Variants in TMEM272 observed in about 807,000 individuals in gnomAD.
TMEM272 encodes long intergenic non-protein coding RNA 282.
In TMEM272, 8 loss-of-function variants were observed where a neutral mutation model predicts 3.7. The observed-to-expected ratio is 2.17, with a 90% CI of 1.27 to 3.91. The LOEUF (loss-of-function observed/expected upper bound fraction) is 3.91, where lower values mean the gene tolerates loss of function less well. Among genes scored for constraint, TMEM272 ranks in the 30% most tolerant of loss-of-function variants. The pLI is 0.00. For missense variants in TMEM272, 166 were observed against 91.5 expected (o/e 1.81, Z -3.32); for synonymous variants, 63 against 39.8 (o/e 1.58, Z -2.20).
chr13:51,890,840 G>A, the TMEM272 span, among the ~76,000 whole-genome samples: 14 of 152,232 alleles, frequency 9.2e-5, no homozygotes, highest in East Asian at 1.7e-3. Context: ...AACTAAAGTC[G>A]TCTGCTCAGC....
the TMEM272 span, among the ~76,000 whole-genome samples, chr13:51,889,785 G>C: frequency 2.0e-5 from 3 of 152,106 alleles, no homozygotes; most frequent in African/African-American, 7.2e-5. Context: ...GAGATTACAG[G>C]CATGCGCCAC....
chr13:51,882,680 A>G, the TMEM272 span, among the ~76,000 whole-genome samples: 1 of 152,128 alleles, frequency 6.6e-6, no homozygotes, highest in African/African-American at 2.4e-5. Flanking sequence ...TGATGGTTCT[A>G]TCTAGTCTGT....
At chr13:51,818,490 C>T (rs1593589361) in intron 4 of TMEM272, among the ~76,000 whole-genome samples, 2 of 152,096 alleles carry the variant, frequency 1.3e-5, no homozygotes, top group African/African-American at 4.8e-5. Flanking sequence ...GGGGGTTACC[C>T]GTGAGGAGGT....
At chr13:51,856,824 A>C in the TMEM272 span, among the ~76,000 whole-genome samples, 3 of 152,224 alleles carry the variant, frequency 2.0e-5, no homozygotes, top group Admixed American at 2.0e-4. Flanking sequence ...TCTCAACAGA[A>C]ACAACAGAAA....
the TMEM272 span, among the ~76,000 whole-genome samples, chr13:51,860,132 G>A: frequency 6.6e-4 from 101 of 152,214 alleles, no homozygotes; most frequent in Middle Eastern, 3.4e-3. Flanking sequence ...CCAGGAGGAC[G>A]CTCAAACCAT....
At chr13:51,932,359 C>T in the TMEM272 span, 1 of 152,234 alleles carries the variant, frequency 6.6e-6, no homozygotes, top group African/African-American at 2.4e-5. Flanking sequence ...CACCCTAGAA[C>T]AGAGGGGTGC....
chr13:51,858,261 CACTGCATCAAGCA>C, the TMEM272 span, among the ~76,000 whole-genome samples: 30 of 152,260 alleles, frequency 2.0e-4, no homozygotes, highest in African/African-American at 7.2e-4. Flanking sequence ...AGAGAGAGAA[CACTGCATCAAGCA>C]ACTGAAGAAT....
At chr13:51,874,877 G>A in the TMEM272 span, among the ~76,000 whole-genome samples, 1 of 152,168 alleles carries the variant, frequency 6.6e-6, no homozygotes, top group East Asian at 1.9e-4. Flanking sequence ...TTTGAAATGA[G>A]CTCTTAAGTA....
At chr13:51,865,565 G>A in the TMEM272 span, 1 of 1,614,102 alleles carries the variant, frequency 6.2e-7, no homozygotes, top group Non-Finnish European at 8.5e-7. Flanking sequence ...TGAAAAAATA[G>A]AGGACTTCAG....
At chr13:51,885,652 T>TA in the TMEM272 span, among the ~76,000 whole-genome samples, 2 of 152,326 alleles carry the variant, frequency 1.3e-5, no homozygotes, top group Admixed American at 6.5e-5. Context: ...TGCCAATACA[T>TA]TACAGTAGAA....
the TMEM272 span, among the ~76,000 whole-genome samples, chr13:51,907,387 T>TTTCACA: frequency 3.9e-5 from 6 of 152,256 alleles, no homozygotes; most frequent in East Asian, 1.2e-3. Flanking sequence ...TGAGCGTGCT[T>TTTCACA]TTCACACACA....
At chr13:51,844,891 T>C (rs966536008) in intron 1 of TMEM272, 125 bp downstream of exon 1, 6 of 152,224 alleles carry the variant, frequency 3.9e-5, no homozygotes, top group Non-Finnish European at 7.3e-5. Flanking sequence ...ACTTCCACAA[T>C]GTAGTCATTT....
chr13:51,910,605 GC>G, the TMEM272 span: 1 of 610,844 alleles, frequency 1.6e-6, no homozygotes, highest in Non-Finnish European at 3.1e-6. Context: ...CTGAGGGGTA[GC>G]CCTAGGCTCC....
At chr13:51,844,855 G>T (rs181804373) in intron 1 of TMEM272, among the ~76,000 whole-genome samples, 161 bp downstream of exon 1, 30 of 152,196 alleles carry the variant, frequency 2.0e-4, no homozygotes, top group African/African-American at 7.0e-4. Flanking sequence ...GATTGTTTTC[G>T]TTCCCTCCAC....
At chr13:51,827,791 C>G (rs1220311211) in intron 2 of TMEM272, among the ~76,000 whole-genome samples, 1 of 152,212 alleles carries the variant, frequency 6.6e-6, no homozygotes, top group African/African-American at 2.4e-5. Context: ...TGATCCCACC[C>G]TGGCCATAGA....
chr13:51,867,056 T>G, the TMEM272 span, among the ~76,000 whole-genome samples: 1 of 151,660 alleles, frequency 6.6e-6, no homozygotes, highest in African/African-American at 2.4e-5. Context: ...ATGACCAGAG[T>G]GAGGGAGTAA....
chr13:51,826,668 A>G (rs1234839793), intron 2 of TMEM272, 43 bp from the exon 3 acceptor site: 1 of 702,198 alleles, frequency 1.4e-6, no homozygotes, highest in Non-Finnish European at 2.6e-6. Context: ...AGAAACACAC[A>G]GACCCCTGCA....
At chr13:51,919,795 C>T in the TMEM272 span, among the ~76,000 whole-genome samples, 1 of 152,266 alleles carries the variant, frequency 6.6e-6, no homozygotes, top group Non-Finnish European at 1.5e-5. Context: ...GCTCTCCTCA[C>T]CTGCCACCGT....
chr13:51,838,489 A>T lies in TMEM272; in HGVS notation c.42T>A (p.Ser14=). 1.4e-6 allele frequency: 1 copy of T among 703,070 alleles called. No homozygotes were observed. The highest frequency in any genetic ancestry group is 2.6e-6 in the Non-Finnish European group (1 of 385,020). 43.6% of individuals were successfully genotyped at this position (703,070 alleles called of 1,614,324 possible). Residue 14 remains serine, a synonymous_variant, in exon 2 of 5, where the codon TCT becomes TCA. Transcript: ENST00000629372. ...GTGACTCACCATTGCTGGCGATTTT[A>T]GAAATGCACTGATGACACGTTTTCT... is the stretch of plus-strand genomic sequence containing the variant. ...GLEKTCHQCI[S]KIASNACFVV...
Sources: allele counts gnomAD v4.1 joint callset (sites outside exome capture counted in the v4.1 genomes callset), GRCh38; gene constraint gnomAD v4.1.1; transcripts MANE v1.5; gene names NCBI Gene and HGNC (gene_info 2026-07-23, HGNC 2026-07-21).